PCDHA11: variants seen among roughly 807,000 people sequenced by gnomAD.
The protein encoded by PCDHA11 is protocadherin alpha-11.
A neutral mutation model predicts 70.3 loss-of-function variants in PCDHA11; 61 were observed. The ratio of observed to expected loss-of-function variants is 0.87; its 90% CI spans 0.71 to 1.07. PCDHA11 has a LOEUF of 1.07. Ranked by LOEUF, PCDHA11 falls within the 50% of genes least tolerant of loss-of-function variation. The pLI, the probability that PCDHA11 is intolerant of heterozygous loss-of-function variation, is 0.00. For synonymous variants in PCDHA11, 633 were observed against 555.1 expected, an observed-to-expected ratio of 1.14 and a Z score of -1.97; for missense variants, 1,324 against 1,237.5, an observed-to-expected ratio of 1.07 and a Z score of -1.05.
At chr5:140,976,742 AC>A (rs1170747899) in intron 1 of PCDHA11, among the ~76,000 whole-genome samples, 1 of 151,778 alleles carries the variant, frequency 6.6e-6, no homozygotes, top group Admixed American at 6.6e-5. Context: ...CATTTTAAAA[AC>A]CTCCCAGATG....
Position 141,009,665 on chromosome 5 carries a change from G to T in PCDHA11, c.2578G>T (p.Gly860Cys). 6.2e-7 allele frequency: 1 copy of T among 1,614,022 alleles called. No individual in the cohort carries two copies. Among genetic ancestry groups the T allele is most frequent in the Non-Finnish European group, 8.5e-7 (1 of 1,180,006 alleles). The change falls in exon 4 of 4, where the codon GGT becomes TGT. Residue 860 changes from glycine to cysteine, a missense_variant. By Grantham distance (159) the Gly-to-Cys change is radical (BLOSUM62 -3). Transcript: ENST00000398640. The stretch of plus-strand genomic sequence containing the variant: ...AGAAGTGTCCCCTCCAGTCGGTGCG[G>T]GTGTCAACAGCAACAGCTGGACCTT... ...AGEVSPPVGA[G>C]VNSNSWTFKY...
intron 1 of PCDHA11, among the ~76,000 whole-genome samples, chr5:140,890,620 A>G (rs1554184472): frequency 6.6e-6 from 1 of 152,196 alleles, no homozygotes; most frequent in East Asian, 1.9e-4. Flanking sequence ...TTACCCTAGA[A>G]AATTAAGCAT....
At chr5:140,961,887 G>GTTT (rs35680913) in intron 1 of PCDHA11, among the ~76,000 whole-genome samples, 3 of 143,936 alleles carry the variant, frequency 2.1e-5, no homozygotes, top group Non-Finnish European at 3.1e-5. Context: ...ACTTACATCA[G>GTTT]TTTTTTTTTT....
At chr5:140,884,511 G>T (rs1202323930) in intron 1 of PCDHA11, 6 of 1,614,074 alleles carry the variant, frequency 3.7e-6, no homozygotes, top group African/African-American at 1.3e-5. Context: ...GCAGGGAGTT[G>T]GTCGTACTCG....
chr5:140,968,022 A>G (rs782399233), intron 1 of PCDHA11: 3 of 1,614,142 alleles, frequency 1.9e-6, no homozygotes, highest in South Asian at 2.2e-5. Flanking sequence ...GGAAACTCCT[A>G]TACACTGGTG....
intron 1 of PCDHA11, chr5:140,969,250 C>T (rs1554231631): frequency 6.2e-7 from 1 of 1,614,216 alleles, no homozygotes; most frequent in Admixed American, 1.7e-5. Flanking sequence ...CAGTGACTGA[C>T]AGCAGGAATC....
intron 1 of PCDHA11, among the ~76,000 whole-genome samples, chr5:140,945,769 T>C (rs1358082978): frequency 1.3e-5 from 2 of 152,036 alleles, no homozygotes; most frequent in Non-Finnish European, 2.9e-5. Flanking sequence ...TGGGACAATT[T>C]GATATCCAGA....
Position 140,876,717 on chromosome 5 carries a change from C to T in PCDHA11, c.2391+5223C>T, listed in dbSNP as rs377702421. ...TGGTGCTGGACAGCGCCCTGGACCG[C>T]GAGAGCGTGTCGGCCTATGAGCTGG... On this transcript the variant is annotated intron_variant, in intron 1 of 3. Coordinates refer to ENST00000398640, the MANE Select transcript of PCDHA11 (RefSeq NM_018902.5). The T allele has an allele frequency of 3.7e-6, 6 of 1,614,118 alleles. No homozygotes were observed. The African/African-American group carries it at 5.3e-5, about 14-fold the overall frequency.
chr5:140,967,566 G>A, intron 1 of PCDHA11: 2 of 1,614,060 alleles, frequency 1.2e-6, no homozygotes, highest in South Asian at 2.2e-5. Context: ...GTCCAGCTAC[G>A]GGAGGACTCA....
intron 3 of PCDHA11, among the ~76,000 whole-genome samples, chr5:140,998,010 C>A (rs2097793505): frequency 6.6e-6 from 1 of 152,096 alleles, no homozygotes; most frequent in Admixed American, 6.6e-5. Flanking sequence ...GCCTTCCATC[C>A]CCACCTCGAG....
chr5:140,922,939 T>C (rs1206981483), intron 1 of PCDHA11, among the ~76,000 whole-genome samples: 1 of 152,172 alleles, frequency 6.6e-6, no homozygotes, highest in Non-Finnish European at 1.5e-5. Flanking sequence ...CTTCCAGCAA[T>C]GGAAATCCAG....
intron 1 of PCDHA11, chr5:140,927,653 G>T: frequency 6.2e-7 from 1 of 1,614,190 alleles, no homozygotes; most frequent in Non-Finnish European, 8.5e-7. Context: ...GTGTTATTCC[G>T]AGTTCAAGCC....
chr5:140,928,622 G>C, intron 1 of PCDHA11: 1 of 1,614,226 alleles, frequency 6.2e-7, no homozygotes, highest in South Asian at 1.1e-5. Flanking sequence ...GCCAGGACTG[G>C]ACACTTGGTC....
chr5:140,945,001 G>GT (rs2093723326), intron 1 of PCDHA11, among the ~76,000 whole-genome samples: 1 of 151,990 alleles, frequency 6.6e-6, no homozygotes, highest in South Asian at 2.1e-4. Context: ...ACGGTTGTGG[G>GT]TCATGAATTA....
rs782810123 is a variant in PCDHA11, at chr5:140,876,271, T to C, written c.2391+4777T>C. 1.9e-6 allele frequency: 3 copies of C among 1,613,926 alleles called. No individual in the cohort carries two copies. In the African/African-American group the frequency reaches 4.0e-5, roughly 22 times the overall value. On this transcript the variant is annotated intron_variant, in intron 1 of 3. Coordinates refer to ENST00000398640, the MANE Select transcript of PCDHA11 (RefSeq NM_018902.5). ...CACAAGAGTGATCCAACTAAATGCTTCCGATCCAGACGAAGGACTTAATGG... is the reference window on the plus strand; with the variant it reads ...CACAAGAGTGATCCAACTAAATGCTCCCGATCCAGACGAAGGACTTAATGG...
At chr5:140,937,199 G>T (rs2091405017) in intron 1 of PCDHA11, among the ~76,000 whole-genome samples, 1 of 151,792 alleles carries the variant, frequency 6.6e-6, no homozygotes, top group African/African-American at 2.4e-5. Flanking sequence ...CACCATGCCC[G>T]GCTAATTTTT....
intron 1 of PCDHA11, chr5:140,929,480 G>T: frequency 8.4e-7 from 1 of 1,195,420 alleles, no homozygotes; most frequent in Non-Finnish European, 1.1e-6. Flanking sequence ...TGGAAGTATA[G>T]AAGTATTAGA....
At chr5:140,968,776 A>G (rs1346540500) in intron 1 of PCDHA11, 4 of 1,614,082 alleles carry the variant, frequency 2.5e-6, no homozygotes, top group Admixed American at 3.3e-5. Context: ...AGCCATCACT[A>G]TCAGCCTCTG....
At chr5:140,981,019 T>C (rs1396794400) in intron 2 of PCDHA11, among the ~76,000 whole-genome samples, 1 of 152,124 alleles carries the variant, frequency 6.6e-6, no homozygotes, top group Non-Finnish European at 1.5e-5. Flanking sequence ...ACTTGAAGGC[T>C]GTTAATATTT....
Sources: allele counts gnomAD v4.1 joint callset (sites outside exome capture counted in the v4.1 genomes callset), GRCh38; gene constraint gnomAD v4.1.1; transcripts MANE v1.5; gene names NCBI Gene and HGNC (gene_info 2026-07-23, HGNC 2026-07-21).